Variants in SMIM10 observed in about 807,000 individuals in gnomAD.
The protein encoded by SMIM10 is chromosome X open reading frame 69.
For missense variants in SMIM10, 62 were observed against 73.1 expected (o/e 0.85, Z 0.55); for synonymous variants, 32 against 36.0 (o/e 0.89, Z 0.40).
rs2083202768 is a variant in SMIM10, at chrX:134,991,557, G to A, written c.*210G>A. 3.0e-5 allele frequency: 12 copies of A among 397,858 alleles called. No homozygotes were observed. The highest frequency in any genetic ancestry group is 5.1e-5 in the Non-Finnish European group (12 of 234,036). 32.8% of individuals were successfully genotyped at this position (397,858 alleles called of 1,213,427 possible). On this transcript the variant is annotated 3_prime_UTR_variant, in exon 1 of 1. Transcript: ENST00000330288. ...GAAAGCCTGAAATATAACCCAAATC[G>A]TCTAAGATAGAATGAAAAATTGACT...
In SMIM10 at chrX:134,991,158, C is replaced by T. The variant is rs1472427913; in HGVS notation, c.63C>T (p.Ala21=). The T allele has an allele frequency of 8.6e-7, 1 of 1,166,466 alleles. No homozygotes were observed. Among genetic ancestry groups the T allele is most frequent in the East Asian group, 3.3e-5 (1 of 30,707 alleles). ...GGSIRSMAAA[A]LSGLAVRLSR... is the part of the protein sequence containing the mutation. ...GCATCAGGTCCATGGCGGCGGCGGC[C>T]CTGTCTGGCCTGGCGGTGCGGCTGT... Residue 21 remains alanine (A), a synonymous_variant, in exon 1 of 1, where the codon GCC becomes GCT. Transcript: ENST00000330288.
At position 134,992,410 on chromosome X, in the gene SMIM10, A is replaced by AT. The variant is rs35608661; in HGVS notation, c.*1068dup. Reference sequence around the variant, plus strand: ...TTATATGTCCTTTTTCTACTGTTTGATTTTTAAAAACTATACACATGTATT... The same window carrying AT: ...TTATATGTCCTTTTTCTACTGTTTGATTTTTTAAAAACTATACACATGTATT... On this transcript the variant is annotated 3_prime_UTR_variant, in exon 1 of 1. Coordinates refer to ENST00000330288, the MANE Select transcript of SMIM10 (RefSeq NM_001163438.2). 8.2e-6 allele frequency: 1 copy of AT among 121,870 alleles called. No homozygotes were observed. The highest frequency in any genetic ancestry group is 3.3e-5 in the African/African-American group (1 of 30,380). 10.0% of individuals were successfully genotyped at this position (121,870 alleles called of 1,213,427 possible). A position where few individuals can be genotyped will look rare whatever the true frequency, so the allele number is the denominator to read the frequency against.
In SMIM10 at chrX:134,991,456, C is replaced by A; in HGVS notation, c.*109C>A. 1 of 909,201 alleles carries A rather than the reference C, an allele frequency of 1.1e-6. No individual in the cohort carries two copies. The highest frequency in any genetic ancestry group is 1.5e-6 in the Non-Finnish European group (1 of 671,274). 74.9% of individuals were successfully genotyped at this position (909,201 alleles called of 1,213,427 possible). A position where few individuals can be genotyped will look rare whatever the true frequency, so the allele number is the denominator to read the frequency against. ...GACCAACTCCGCTCCTGCATGCAGA[C>A]TTGCCACTCATTCTTTCCATTGCCT... On this transcript the variant is annotated 3_prime_UTR_variant, in exon 1 of 1. Transcript: ENST00000330288.
chrX:134,991,072 C>A lies in SMIM10; in HGVS notation c.-24C>A. 2 of 1,149,402 alleles carry A rather than the reference C, an allele frequency of 1.7e-6. No individual in the cohort carries two copies. 94.7% of individuals were successfully genotyped at this position (1,149,402 alleles called of 1,213,427 possible). ...TTCCCGCGTCCATCCCTCTGTCCCA[C>A]GGTCGGTGAGTCAGCGGAGCCTGAT... On this transcript the variant is annotated 5_prime_UTR_variant, in exon 1 of 1. Transcript: ENST00000330288.
rs776807747 is a variant in SMIM10, at chrX:134,991,148, C to T, written c.53C>T (p.Ala18Val). The T allele has an allele frequency of 3.4e-6, 4 of 1,166,873 alleles. No individual in the cohort carries two copies. Among genetic ancestry groups the T allele is most frequent in the Middle Eastern group, 2.4e-4 (1 of 4,244 alleles). ...GTGGGAGGCAGCATCAGGTCCATGG[C>T]GGCGGCGGCCCTGTCTGGCCTGGCG... ...HYVGGSIRSM[A>V]AAALSGLAVR... The change falls in exon 1 of 1, where the codon GCG becomes GTG. Residue 18 changes from alanine to valine, a missense_variant. By Grantham distance (64) the Ala-to-Val change is moderately conservative. Transcript: ENST00000330288.
At position 134,991,651 on chromosome X, in the gene SMIM10, G is replaced by GTT. The variant is rs758888451; in HGVS notation, c.*308_*309dup. On this transcript the variant is annotated 3_prime_UTR_variant, in exon 1 of 1. Transcript: ENST00000330288. ...GAAAATCCTTAAAAATATCTGAGAA[G>GTT]TTTTTGCATCCGTAAAACAGAAAAC... The GTT allele has an allele frequency of 5.1e-6, 1 of 196,764 alleles. No individual in the cohort carries two copies. Among genetic ancestry groups the GTT allele is most frequent in the Admixed American group, 7.5e-5 (1 of 13,383 alleles). The allele number at this position is 196,764 out of a possible 1,213,427, so 16.2% of individuals were successfully genotyped here.
In SMIM10 at chrX:134,991,188, C is replaced by A. The variant is rs2083201311; in HGVS notation, c.93C>A (p.Arg31=). 8.6e-7 allele frequency: 1 copy of A among 1,167,849 alleles called. No individual in the cohort carries two copies. Among genetic ancestry groups the A allele is most frequent in the South Asian group, 1.9e-5 (1 of 52,754 alleles). Residue 31 remains arginine, a synonymous_variant, in exon 1 of 1, where the codon CGC becomes CGA. Transcript: ENST00000330288. ...CTGGCCTGGCGGTGCGGCTGTCGCG[C>A]CCGCAGGGGACCCGCGGCTCTTACG... ...ALSGLAVRLS[R]PQGTRGSYGA...
In SMIM10 at chrX:134,991,422, G is replaced by C. The variant is rs1185508591; in HGVS notation, c.*75G>C. 1.8e-5 allele frequency: 19 copies of C among 1,081,947 alleles called. No individual in the cohort carries two copies. Among genetic ancestry groups the C allele is most frequent in the Non-Finnish European group, 2.3e-5 (19 of 816,544 alleles). The allele number at this position is 1,081,947 out of a possible 1,213,427, so 89.2% of individuals were successfully genotyped here. On this transcript the variant is annotated 3_prime_UTR_variant, in exon 1 of 1. Transcript: ENST00000330288. ...TCCACCCACCTGCTCACCCACCCTA[G>C]AGCAAAGCGACCAACTCCGCTCCTG... is the stretch of plus-strand genomic sequence containing the variant.
In SMIM10 at chrX:134,991,546, T is replaced by C; in HGVS notation, c.*199T>C. The stretch of plus-strand genomic sequence containing the variant: ...CAGCATTTGTGGAAAGCCTGAAATA[T>C]AACCCAAATCGTCTAAGATAGAATG... On this transcript the variant is annotated 3_prime_UTR_variant, in exon 1 of 1. Coordinates refer to ENST00000330288, the MANE Select transcript of SMIM10 (RefSeq NM_001163438.2). The C allele has an allele frequency of 2.2e-6, 1 of 464,995 alleles. No individual in the cohort carries two copies. The allele number at this position is 464,995 out of a possible 1,213,427, so 38.3% of individuals were successfully genotyped here.
chrX:134,991,053 C>T lies in SMIM10; in HGVS notation c.-43C>T. The T allele has an allele frequency of 1.8e-6, 2 of 1,134,682 alleles. No homozygotes were observed. The highest frequency in any genetic ancestry group is 2.3e-6 in the Non-Finnish European group (2 of 854,279). The allele number at this position is 1,134,682 out of a possible 1,213,427, so 93.5% of individuals were successfully genotyped here. Reference sequence around the variant, plus strand: ...GAGGCCTCCCGCCCGTACTTTCCCGCGTCCATCCCTCTGTCCCACGGTCGG... The same window carrying T: ...GAGGCCTCCCGCCCGTACTTTCCCGTGTCCATCCCTCTGTCCCACGGTCGG... On this transcript the variant is annotated 5_prime_UTR_variant, in exon 1 of 1. Coordinates refer to ENST00000330288, the MANE Select transcript of SMIM10 (RefSeq NM_001163438.2).
At position 134,991,015 on chromosome X, in the gene SMIM10, A is replaced by C. The variant is rs1393263512; in HGVS notation, c.-81A>C. ...TCCGCCTTGCAGCGCAGCTCGGATC[A>C]GCAGCAGCCCAGGAGGCCTCCCGCC... On this transcript the variant is annotated 5_prime_UTR_variant, in exon 1 of 1. Coordinates refer to ENST00000330288, the MANE Select transcript of SMIM10 (RefSeq NM_001163438.2). 2.7e-6 allele frequency: 3 copies of C among 1,093,299 alleles called. No homozygotes were observed. The Admixed American group carries it at 1.0e-4, about 38-fold the overall frequency. The allele number at this position is 1,093,299 out of a possible 1,213,427, so 90.1% of individuals were successfully genotyped here. A position where few individuals can be genotyped will look rare whatever the true frequency, so the allele number is the denominator to read the frequency against.
Position 134,991,228 on chromosome X carries a change from A to G in SMIM10, c.133A>G (p.Thr45Ala). Residue 45 changes from threonine to alanine, a missense_variant, in exon 1 of 1, where the codon ACG becomes GCG. Coordinates refer to ENST00000330288, the MANE Select transcript of SMIM10 (RefSeq NM_001163438.2). The part of the protein sequence containing the change: ...TRGSYGAFCK[T>A]LTRTLLTFFD... Reference sequence around the variant, plus strand: ...CGGCTCTTACGGCGCCTTCTGCAAGACGCTCACGCGCACGCTGCTCACCTT... The same window carrying G: ...CGGCTCTTACGGCGCCTTCTGCAAGGCGCTCACGCGCACGCTGCTCACCTT... 2.6e-6 allele frequency: 3 copies of G among 1,167,155 alleles called. No individual in the cohort carries two copies. The highest frequency in any genetic ancestry group is 3.4e-6 in the Non-Finnish European group (3 of 872,921).
In SMIM10 at chrX:134,991,387, A is replaced by T; in HGVS notation, c.*40A>T. The T allele has an allele frequency of 8.8e-7, 1 of 1,140,132 alleles. No homozygotes were observed. Among genetic ancestry groups the T allele is most frequent in the African/African-American group, 1.8e-5 (1 of 55,165 alleles). 94.0% of individuals were successfully genotyped at this position (1,140,132 alleles called of 1,213,427 possible). On this transcript the variant is annotated 3_prime_UTR_variant, in exon 1 of 1. Transcript: ENST00000330288. ...TGGCATTTGGGGGCTCCTCGTCAGG[A>T]TGGCTGACTTCCACCCACCTGCTCA... is the stretch of plus-strand genomic sequence containing the variant.
chrX:134,991,012 A>T lies in SMIM10; in HGVS notation c.-84A>T. On this transcript the variant is annotated 5_prime_UTR_variant, in exon 1 of 1. Coordinates refer to ENST00000330288, the MANE Select transcript of SMIM10 (RefSeq NM_001163438.2). ...GCTTCCGCCTTGCAGCGCAGCTCGG[A>T]TCAGCAGCAGCCCAGGAGGCCTCCC... 1.8e-6 allele frequency: 2 copies of T among 1,090,229 alleles called. No homozygotes were observed. The highest frequency in any genetic ancestry group is 2.4e-6 in the Non-Finnish European group (2 of 831,579). The allele number at this position is 1,090,229 out of a possible 1,213,427, so 89.8% of individuals were successfully genotyped here.
At position 134,991,123 on chromosome X, in the gene SMIM10, G is replaced by A. The variant is rs998046692; in HGVS notation, c.28G>A (p.Val10Met). The change falls in exon 1 of 1, where the codon GTG (valine) becomes ATG (methionine). Residue 10 changes from valine (V) to methionine (M), a missense_variant. By Grantham distance (21) the Val-to-Met change is conservative. Coordinates refer to ENST00000330288, the MANE Select transcript of SMIM10 (RefSeq NM_001163438.2). The part of the protein sequence containing the change: MEALGSGHY[V>M]GGSIRSMAAA... ...GGAGGCCTTGGGCTCTGGGCACTAT[G>A]TGGGAGGCAGCATCAGGTCCATGGC... 8.6e-7 allele frequency: 1 copy of A among 1,165,860 alleles called. No homozygotes were observed. The highest frequency in any genetic ancestry group is 1.1e-6 in the Non-Finnish European group (1 of 871,843).
chrX:134,991,984 C>G lies in SMIM10; in HGVS notation c.*637C>G, dbSNP rs1032482959. 6 of 123,739 alleles carry G rather than the reference C, an allele frequency of 4.8e-5. No homozygotes were observed. Among genetic ancestry groups the G allele is most frequent in the African/African-American group, 1.9e-4 (6 of 30,883 alleles). 10.2% of individuals were successfully genotyped at this position (123,739 alleles called of 1,213,427 possible). ...AGAACATTAAAAACTGTGCAAGAAA[C>G]TTATGTTTCACATATGAAGCAACCT... is the stretch of plus-strand genomic sequence containing the variant. On this transcript the variant is annotated 3_prime_UTR_variant, in exon 1 of 1. Transcript: ENST00000330288.
chrX:134,991,295 T>A lies in SMIM10; in HGVS notation c.200T>A (p.Phe67Tyr). Residue 67 changes from phenylalanine to tyrosine, a missense_variant, in exon 1 of 1, where the codon TTC becomes TAC. Coordinates refer to ENST00000330288, the MANE Select transcript of SMIM10 (RefSeq NM_001163438.2). The part of the protein sequence containing the change: ...AWRLRKNFFY[F>Y]YILASVILNV... ...CGGCTGCGCAAGAACTTCTTTTACT[T>A]CTATATTCTGGCCTCGGTGATTCTC... 8.6e-7 allele frequency: 1 copy of A among 1,168,023 alleles called. No homozygotes were observed. Among genetic ancestry groups the A allele is most frequent in the Non-Finnish European group, 1.1e-6 (1 of 873,028 alleles).
In SMIM10 at chrX:134,991,996, A is replaced by C; in HGVS notation, c.*649A>C. The C allele has an allele frequency of 8.1e-6, 1 of 124,031 alleles. No homozygotes were observed. Among genetic ancestry groups the C allele is most frequent in the Non-Finnish European group, 1.9e-5 (1 of 53,461 alleles). 10.2% of individuals were successfully genotyped at this position (124,031 alleles called of 1,213,427 possible). On this transcript the variant is annotated 3_prime_UTR_variant, in exon 1 of 1. Coordinates refer to ENST00000330288, the MANE Select transcript of SMIM10 (RefSeq NM_001163438.2). ...ACTGTGCAAGAAACTTATGTTTCAC[A>C]TATGAAGCAACCTCAGATGTGGCAT...
Position 134,991,155 on chromosome X carries a change from G to T in SMIM10, c.60G>T (p.Ala20=). ...GCAGCATCAGGTCCATGGCGGCGGC[G>T]GCCCTGTCTGGCCTGGCGGTGCGGC... ...VGGSIRSMAA[A]ALSGLAVRLS... is the part of the protein sequence containing the mutation. Residue 20 remains alanine, a synonymous_variant, in exon 1 of 1, where the codon GCG becomes GCT. Coordinates refer to ENST00000330288, the MANE Select transcript of SMIM10 (RefSeq NM_001163438.2). 8.6e-7 allele frequency: 1 copy of T among 1,167,131 alleles called. No individual in the cohort carries two copies. Among genetic ancestry groups the T allele is most frequent in the Non-Finnish European group, 1.1e-6 (1 of 872,396 alleles).
Sources: allele counts gnomAD v4.1 joint callset, GRCh38; gene constraint gnomAD v4.1.1; transcripts MANE v1.5; gene names NCBI Gene and HGNC (gene_info 2026-07-23, HGNC 2026-07-21).